Variants in ECHDC2 observed in about 807,000 individuals in gnomAD.
The protein encoded by ECHDC2 is enoyl-CoA hydratase domain containing 2.
Under a neutral mutation model 40.6 loss-of-function variants are expected in ECHDC2, and 34 were observed. The ratio of observed to expected loss-of-function variants is 0.84; its 90% CI spans 0.64 to 1.11. The LOEUF is 1.11. Among genes scored for constraint, ECHDC2 ranks in the 50% most tolerant of loss-of-function variants. The pLI, the probability that ECHDC2 is intolerant of heterozygous loss-of-function variation, is 0.00. For missense variants in ECHDC2, 392 were observed against 400.7 expected (o/e 0.98, Z 0.19); for synonymous variants, 162 against 166.6 (o/e 0.97, Z 0.21).
At chr1:52,918,358 TAA>T (rs536606545) in intron 1 of ECHDC2, among the ~76,000 whole-genome samples, 8 of 124,512 alleles carry the variant, frequency 6.4e-5, no homozygotes, top group Non-Finnish European at 1.7e-5. Flanking sequence ...TCCTACTTAT[TAA>T]AAAAAAAAAA....
intron 7 of ECHDC2, chr1:52,900,742 T>A (rs1016871054): frequency 7.2e-5 from 11 of 152,332 alleles, no homozygotes; most frequent in African/African-American, 2.4e-4. Flanking sequence ...ACTGGGGTAG[T>A]CACAGGTAAA....
intron 1 of ECHDC2, chr1:52,912,207 C>CTT: frequency 1.7e-5 from 4 of 238,188 alleles, no homozygotes; most frequent in Admixed American, 5.8e-5. Context: ...GAGAGTTTTG[C>CTT]TGTTTTTTTT....
intron 5 of ECHDC2, chr1:52,906,083 C>G: frequency 2.9e-6 from 1 of 349,074 alleles, no homozygotes; most frequent in Non-Finnish European, 5.6e-6. Context: ...TTGCTCAGAA[C>G]AAGTAATGCA....
rs1361804152 is a variant in ECHDC2 at position 52,898,998 on chromosome 1, GT to G, written c.753+175del. On this transcript the variant is annotated intron_variant, in intron 8 of 9. Coordinates refer to ENST00000371522, the MANE Select transcript of ECHDC2 (RefSeq NM_001198961.2). ...AGGATAGAATGTAAACAATAATACTGTCTGGCCAATTTGCAGATGTGTAAAC... is the reference window on the plus strand; with the variant it reads ...AGGATAGAATGTAAACAATAATACTGCTGGCCAATTTGCAGATGTGTAAAC... 66 of 707,478 alleles carry G rather than the reference GT, an allele frequency of 9.3e-5. No homozygotes were observed. In the Admixed American group the frequency reaches 1.1e-3, roughly 12 times the overall value. 43.8% of individuals were successfully genotyped at this position (707,478 alleles called of 1,614,324 possible). A position where few individuals can be genotyped will look rare whatever the true frequency, so the allele number is the denominator to read the frequency against.
intron 3 of ECHDC2, among the ~76,000 whole-genome samples, chr1:52,911,267 G>A (rs1366066009): frequency 3.3e-5 from 5 of 152,134 alleles, no homozygotes; most frequent in African/African-American, 1.2e-4. Context: ...GTGAGCCACT[G>A]TACCCGTCTT....
rs1458122562 is a variant in ECHDC2 at position 52,905,181 on chromosome 1, G to A, written c.458-91C>T. The A allele has an allele frequency of 1.4e-5, 20 of 1,393,834 alleles. No homozygotes were observed. In the Admixed American group the frequency reaches 1.5e-4, roughly 11 times the overall value. The allele number at this position is 1,393,834 out of a possible 1,614,324, so 86.3% of individuals were successfully genotyped here. A position where few individuals can be genotyped will look rare whatever the true frequency, so the allele number is the denominator to read the frequency against. On this transcript the variant is annotated intron_variant, in intron 5 of 9. Transcript: ENST00000371522. ...CCACAGCTGCCTCTGCTGTCTACTC[G>A]CCCCTCTAGCCACTTGCCCCATGGT...
intron 3 of ECHDC2, 110 bp downstream of exon 3, chr1:52,911,455 TA>T: frequency 1.9e-6 from 2 of 1,054,750 alleles, no homozygotes; most frequent in South Asian, 1.4e-5. Flanking sequence ...TTCACATCGG[TA>T]AAATGGCAAC....
chr1:52,896,534 A>AT lies in ECHDC2; in HGVS notation c.864dup (p.Phe289IlefsTer101). The AT allele has an allele frequency of 1.9e-6, 3 of 1,614,054 alleles. No individual in the cohort carries two copies. The highest frequency in any genetic ancestry group is 1.1e-5 in the South Asian group (1 of 91,072). ...TAAAATGGGGGTCATTTGCCAACAA[A>AT]TTTGGGAGTCCGCTTCTCCCTGAAG... On this transcript the variant is annotated frameshift_variant, in exon 10 of 10. Transcript: ENST00000371522. LOFTEE classifies it high-confidence loss of function.
chr1:52,908,088 C>G (rs1328348759), intron 3 of ECHDC2, 134 bp from the exon 4 acceptor site: 2 of 694,522 alleles, frequency 2.9e-6, no homozygotes, highest in Non-Finnish European at 5.0e-6. Context: ...GGAACCCGGG[C>G]AAGGAAGTCA....
chr1:52,906,717 C>A lies in ECHDC2; in HGVS notation c.365-106G>T, dbSNP rs114257746. On this transcript the variant is annotated intron_variant, in intron 4 of 9. Transcript: ENST00000371522. ...GGTTGGGACAGAGGCCTCAGTGGACCCAGGTCTGGGGACATTACATGGAAC... is the reference window on the plus strand; with the variant it reads ...GGTTGGGACAGAGGCCTCAGTGGACACAGGTCTGGGGACATTACATGGAAC... 5,790 of 765,304 alleles carry A rather than the reference C, an allele frequency of 7.6e-3. 251 individuals carry two copies. The African/African-American group carries it at 0.091, about 12-fold the overall frequency. The allele number at this position is 765,304 out of a possible 1,614,324, so 47.4% of individuals were successfully genotyped here.
chr1:52,921,645 G>T lies in ECHDC2; in HGVS notation c.29C>A (p.Pro10His), dbSNP rs1291613140. The change falls in exon 1 of 10, where the codon CCC becomes CAC. Residue 10 changes from proline to histidine, a missense_variant. By Grantham distance (77) the Pro-to-His change is moderately conservative. Transcript: ENST00000371522. MLRVLCLLR[P>H]WRPLRARGCA... ...GCCGCGGGCCCGAAGGGGCCTCCAGGGGCGCAGGAGGCACAGAACGCGCAG... is the reference window on the plus strand; with the variant it reads ...GCCGCGGGCCCGAAGGGGCCTCCAGTGGCGCAGGAGGCACAGAACGCGCAG... The T allele has an allele frequency of 6.3e-7, 1 of 1,583,596 alleles. No homozygotes were observed.
At chr1:52,920,743 T>C (rs1259165149) in intron 1 of ECHDC2, 1 of 531,150 alleles carries the variant, frequency 1.9e-6, no homozygotes, top group Non-Finnish European at 3.3e-6. Context: ...TAAACTTTTG[T>C]TAAAAAAAAA....
chr1:52,904,605 A>C, intron 7 of ECHDC2, 41 bp downstream of exon 7: 1 of 1,512,534 alleles, frequency 6.6e-7, no homozygotes, highest in Admixed American at 2.0e-5. Context: ...TGCCTCCCCC[A>C]TGACTCCAGC....
chr1:52,916,671 C>T (rs554415827), intron 1 of ECHDC2, among the ~76,000 whole-genome samples: 1 of 152,204 alleles, frequency 6.6e-6, no homozygotes, highest in Non-Finnish European at 1.5e-5. Flanking sequence ...TGCCGACATT[C>T]AATTGTGCAA....
intron 7 of ECHDC2, chr1:52,902,119 C>T (rs1647029369): frequency 6.6e-6 from 1 of 151,734 alleles, no homozygotes; most frequent in Admixed American, 6.6e-5. Flanking sequence ...GGATTATTTA[C>T]ATTTGAGAGA....
At chr1:52,918,180 T>C (rs1651113917) in intron 1 of ECHDC2, among the ~76,000 whole-genome samples, 1 of 151,998 alleles carries the variant, frequency 6.6e-6, no homozygotes. Context: ...TGCACAACCA[T>C]GCCTGGATAA....
At chr1:52,906,488 C>A in intron 5 of ECHDC2, 31 bp downstream of exon 5, 2 of 1,563,744 alleles carry the variant, frequency 1.3e-6, no homozygotes, top group Middle Eastern at 1.7e-4. Flanking sequence ...CTCCCTAGCC[C>A]CACCCCCTGC....
chr1:52,907,430 T>C (rs1487998607), intron 4 of ECHDC2: 1 of 166,786 alleles, frequency 6.0e-6, no homozygotes, highest in Admixed American at 6.3e-5. Flanking sequence ...GACAAATGTG[T>C]ATCAGGCATT....
chr1:52,912,680 T>C (rs1293334268), intron 1 of ECHDC2: 3 of 152,116 alleles, frequency 2.0e-5, no homozygotes, highest in African/African-American at 7.2e-5. Context: ...CAAGTAACTC[T>C]TTGACTTATA....
Sources: gnomAD v4.1 joint callset for allele counts (sites outside exome capture counted in the v4.1 genomes callset) on GRCh38, gnomAD v4.1.1 for gene constraint, MANE v1.5 for transcripts, NCBI Gene and HGNC (gene_info 2026-07-23, HGNC 2026-07-21) for gene names.